VEZF1: variants seen among roughly 807,000 people sequenced by gnomAD.
The protein encoded by VEZF1 is vascular endothelial zinc finger 1.
VEZF1 carries 5 observed loss-of-function variants against 44.1 expected under a neutral mutation model. That is an observed-to-expected ratio of 0.11 (90% CI 0.06 to 0.24). VEZF1 has a LOEUF of 0.24. Ranked by LOEUF, VEZF1 falls within the 10% of genes least tolerant of loss-of-function variation. The pLI is 1.00. For missense variants in VEZF1, 358 were observed against 641.8 expected, an observed-to-expected ratio of 0.56 and a Z score of 4.78; for synonymous variants, 236 against 233.1, an observed-to-expected ratio of 1.01 and a Z score of -0.11.
chr17:57,978,732 A>G (rs1198493179), intron 5 of VEZF1, among the ~76,000 whole-genome samples: 1 of 152,182 alleles, frequency 6.6e-6, no homozygotes, highest in African/African-American at 2.4e-5. Flanking sequence ...GAGCAAAAAT[A>G]GCACAGTTGT....
chr17:57,981,560 A>G (rs1213207949), intron 3 of VEZF1, among the ~76,000 whole-genome samples: 1 of 152,226 alleles, frequency 6.6e-6, no homozygotes, highest in Non-Finnish European at 1.5e-5. Context: ...AAAGCCCTTT[A>G]TTCTTTTATT....
chr17:57,982,674 A>G (rs775885527), intron 2 of VEZF1, 25 bp downstream of exon 2: 1 of 1,577,104 alleles, frequency 6.3e-7, no homozygotes, highest in Non-Finnish European at 8.6e-7. Context: ...AATGAAGCAA[A>G]GCAAAGCAAA....
chr17:57,986,073 C>T (rs894885175), intron 1 of VEZF1: 7 of 152,166 alleles, frequency 4.6e-5, no homozygotes, highest in Admixed American at 3.9e-4. Flanking sequence ...TTTCACTGCA[C>T]ACATTGCCAA....
chr17:57,982,666 TGAAGCAAAGC>T (rs2075260622), intron 2 of VEZF1, 23 bp downstream of exon 2: 1 of 1,466,752 alleles, frequency 6.8e-7, no homozygotes, highest in Non-Finnish European at 9.3e-7. Context: ...GATACCATAA[TGAAGCAAAGC>T]AAAGCAAAGC....
At chr17:57,987,051 T>C (rs1476044693) in intron 1 of VEZF1, among the ~76,000 whole-genome samples, 2 of 152,202 alleles carry the variant, frequency 1.3e-5, no homozygotes, top group Non-Finnish European at 2.9e-5. Context: ...GTCCCCCATC[T>C]AAAGTGGGCG....
chr17:57,988,175 G>A lies in VEZF1; in HGVS notation c.-64C>T. On this transcript the variant is annotated 5_prime_UTR_variant, in exon 1 of 6. Coordinates refer to ENST00000581208, the MANE Select transcript of VEZF1 (RefSeq NM_007146.3). ...GCTCGGGGAGCCTCCTCAGCCGGAG[G>A]AGGCGACAACAAAGCGGCGGCGGCG... 1 of 438,680 alleles carries A rather than the reference G, an allele frequency of 2.3e-6. No homozygotes were observed. Among genetic ancestry groups the A allele is most frequent in the Non-Finnish European group, 3.4e-6 (1 of 293,794 alleles). 27.2% of individuals were successfully genotyped at this position (438,680 alleles called of 1,614,324 possible).
chr17:57,987,543 G>A (rs1447091922), intron 1 of VEZF1, among the ~76,000 whole-genome samples: 3 of 152,118 alleles, frequency 2.0e-5, no homozygotes, highest in East Asian at 3.9e-4. Flanking sequence ...GACACGGGAG[G>A]GGGTCAGAAA....
intron 5 of VEZF1, among the ~76,000 whole-genome samples, chr17:57,978,439 T>A (rs2075213286): frequency 6.6e-6 from 1 of 152,222 alleles, no homozygotes; most frequent in African/African-American, 2.4e-5. Flanking sequence ...TCATTTGAAA[T>A]GGCTGCACAA....
chr17:57,982,731 A>G lies in VEZF1; in HGVS notation c.696T>C (p.Tyr232=), dbSNP rs1389568653. The G allele has an allele frequency of 1.2e-6, 2 of 1,613,924 alleles. No homozygotes were observed. Among genetic ancestry groups the G allele is most frequent in the Non-Finnish European group, 1.7e-6 (2 of 1,179,884 alleles). ...RSHEGGITKP[Y]TCSVCGKGFS... The stretch of plus-strand genomic sequence containing the variant: ...AGCCTTTCCCACAAACACTGCAAGT[A>G]TAGGGTTTGGTGATGCCTCCTTCAT... The change falls in exon 2 of 6, where the codon TAT becomes TAC. Residue 232 remains tyrosine, a synonymous_variant. Transcript: ENST00000581208.
At chr17:57,977,754 G>C (rs2075206044) in intron 5 of VEZF1, among the ~76,000 whole-genome samples, 1 of 151,452 alleles carries the variant, frequency 6.6e-6, no homozygotes, top group African/African-American at 2.4e-5. Context: ...TGAGGCAGGA[G>C]AATCGCTTGA....
intron 5 of VEZF1, among the ~76,000 whole-genome samples, chr17:57,976,825 T>C (rs778716765): frequency 4.6e-5 from 7 of 151,572 alleles, no homozygotes; most frequent in Admixed American, 6.6e-5. Flanking sequence ...CCGAGAGAGA[T>C]TGAGAGAGAA....
At position 57,985,468 on chromosome 17, in the gene VEZF1, G is replaced by T. The variant is rs565350969; in HGVS notation, c.34-2075C>A. On this transcript the variant is annotated intron_variant, in intron 1 of 5. Coordinates refer to ENST00000581208, the MANE Select transcript of VEZF1 (RefSeq NM_007146.3). ...ACTGGGTTTTCCCAACTTCTTCTCT[G>T]GGGGAGAGACAGAGTAAAATAACAA... 1.1e-4 allele frequency: 128 copies of T among 1,216,984 alleles called. 1 individual carries two copies. In the African/African-American group the frequency reaches 1.1e-3, roughly 11 times the overall value. 75.4% of individuals were successfully genotyped at this position (1,216,984 alleles called of 1,614,324 possible).
chr17:57,972,314 A>T lies in VEZF1; in HGVS notation c.*2159T>A, dbSNP rs1162298971. 1 of 152,222 alleles carries T rather than the reference A, an allele frequency of 6.6e-6. No individual in the cohort carries two copies. The highest frequency in any genetic ancestry group is 1.5e-5 in the Non-Finnish European group (1 of 68,044). 9.4% of individuals were successfully genotyped at this position (152,222 alleles called of 1,614,324 possible). A position where few individuals can be genotyped will look rare whatever the true frequency, so the allele number is the denominator to read the frequency against. ...GAAGCCTGGGCTGTCTGAATTGTGA[A>T]TTATGACTGCCAGCCCACCAGAGAT... On this transcript the variant is annotated 3_prime_UTR_variant, in exon 6 of 6. Transcript: ENST00000581208.
At chr17:57,985,229 A>G (rs2075284315) in intron 1 of VEZF1, 2 of 1,222,268 alleles carry the variant, frequency 1.6e-6, no homozygotes, top group Non-Finnish European at 2.0e-6. Flanking sequence ...AACCATTAGT[A>G]CGATGGAGTA....
At chr17:57,974,953 C>G in intron 5 of VEZF1, 53 bp from the exon 6 acceptor site, 1 of 1,533,124 alleles carries the variant, frequency 6.5e-7, no homozygotes, top group South Asian at 1.2e-5. Context: ...GAGCAAAATT[C>G]ACAAAGTTTC....
In VEZF1 at chr17:57,972,049, T is replaced by C. The variant is rs2075141698; in HGVS notation, c.*2424A>G. On this transcript the variant is annotated 3_prime_UTR_variant, in exon 6 of 6. Coordinates refer to ENST00000581208, the MANE Select transcript of VEZF1 (RefSeq NM_007146.3). ...AAAAGAAGACATGACGTGGCTTTAT[T>C]ATTGCAGACAAGCTTCTTAAGTGAA... 1.3e-5 allele frequency: 2 copies of C among 152,616 alleles called. No individual in the cohort carries two copies. Among genetic ancestry groups the C allele is most frequent in the Admixed American group, 1.3e-4 (2 of 15,268 alleles). 9.5% of individuals were successfully genotyped at this position (152,616 alleles called of 1,614,324 possible).
Position 57,974,907 on chromosome 17 carries a change from T to C in VEZF1, c.1139-7A>G, listed in dbSNP as rs766090324. 1.3e-6 allele frequency: 2 copies of C among 1,598,246 alleles called. No individual in the cohort carries two copies. Among genetic ancestry groups the C allele is most frequent in the South Asian group, 1.1e-5 (1 of 90,122 alleles). On this transcript the variant is annotated splice_polypyrimidine_tract_variant and splice_region_variant and intron_variant, in intron 5 of 5. Coordinates refer to ENST00000581208, the MANE Select transcript of VEZF1 (RefSeq NM_007146.3). ...TGGCACAGGTTAGCAGCTTCTAAAA[T>C]AAGAAGAAAAAGGGTCTTTAGATTC...
rs780194482 is a variant in VEZF1 at position 57,974,543 on chromosome 17, T to C, written c.1496A>G (p.Asn499Ser). 59 of 1,614,030 alleles carry C rather than the reference T, an allele frequency of 3.7e-5. No individual in the cohort carries two copies. Among genetic ancestry groups the C allele is most frequent in the Admixed American group, 1.8e-4 (11 of 60,002 alleles). The change falls in exon 6 of 6, where the codon AAT (asparagine) becomes AGT (serine). Residue 499 changes from asparagine (N) to serine (S), a missense_variant. By Grantham distance (46) the Asn-to-Ser change is conservative. Coordinates refer to ENST00000581208, the MANE Select transcript of VEZF1 (RefSeq NM_007146.3). ...GCTCTCTACAGGTCTCATTGCTATA[T>C]TGAGAGGGGCGGCTAATGTCATAGG... is the stretch of plus-strand genomic sequence containing the variant. ...PTPMTLAAPL[N>S]IAMRPVESMP...
Position 57,983,382 on chromosome 17 carries a change from A to G in VEZF1, c.45T>C (p.Ala15=), listed in dbSNP as rs1316426116. 6.2e-7 allele frequency: 1 copy of G among 1,606,722 alleles called. No homozygotes were observed. Among genetic ancestry groups the G allele is most frequent in the Non-Finnish European group, 8.5e-7 (1 of 1,178,190 alleles). Residue 15 remains alanine, a synonymous_variant, in exon 2 of 6, where the codon GCT becomes GCC. Coordinates refer to ENST00000581208, the MANE Select transcript of VEZF1 (RefSeq NM_007146.3). ...GTGCTGCCTGCTGTTGGTGATGGGAAGCTTCATGGGCCTAAAACCAAACAT... is the reference window on the plus strand; with the variant it reads ...GTGCTGCCTGCTGTTGGTGATGGGAGGCTTCATGGGCCTAAAACCAAACAT... The part of the protein sequence containing the change: ...WTAFLFQAHE[A]SHHQQQAAQN...
Sources: gnomAD v4.1 joint callset for allele counts (sites outside exome capture counted in the v4.1 genomes callset) on GRCh38, gnomAD v4.1.1 for gene constraint, MANE v1.5 for transcripts, NCBI Gene and HGNC (gene_info 2026-07-23, HGNC 2026-07-21) for gene names.